The following TMEM107 variants were observed in gnomAD, a reference collection of about 807,000 sequenced individuals.
TMEM107 encodes transmembrane protein 107.
TMEM107 carries 18 observed loss-of-function variants against 16.8 expected under a neutral mutation model. The observed-to-expected ratio is 1.07, with a 90% CI of 0.74 to 1.59. The LOEUF (loss-of-function observed/expected upper bound fraction) is 1.59, where lower values mean the gene tolerates loss of function less well. TMEM107 is among the 40% of genes most tolerant of loss of function. The pLI is 0.00. For synonymous variants in TMEM107, 68 were observed against 71.6 expected (o/e 0.95, Z 0.25); for missense variants, 152 against 175.4 (o/e 0.87, Z 0.75).
Position 8,175,985 on chromosome 17 carries a change from G to A in TMEM107, c.129C>T (p.Pro43=), listed in dbSNP as rs748504501. 6.2e-7 allele frequency: 1 copy of A among 1,614,196 alleles called. No individual in the cohort carries two copies. The highest frequency in any genetic ancestry group is 8.5e-7 in the Non-Finnish European group (1 of 1,180,038). ...IQACLPLTFT[P]EEYDKQDIQL... is the part of the protein sequence containing the mutation. ...GAATGTCCTGCTTGTCATACTCCTC[G>A]GGGGTGAACGTGAGAGGCAGGCAGG... is the stretch of plus-strand genomic sequence containing the variant. Residue 43 remains proline, a synonymous_variant, in exon 2 of 5, where the codon CCC becomes CCT. Transcript: ENST00000437139.
At chr17:8,174,443 G>A in intron 4 of TMEM107, 77 bp downstream of exon 4, 1 of 1,461,144 alleles carries the variant, frequency 6.8e-7, no homozygotes, top group Admixed American at 1.7e-5. Flanking sequence ...ATGGAGGAAA[G>A]GGCTGGGTAG....
Position 8,173,394 on chromosome 17 carries a change from G to C in TMEM107, c.*809C>G, listed in dbSNP as rs150358586. On this transcript the variant is annotated 3_prime_UTR_variant, in exon 5 of 5. Coordinates refer to ENST00000437139, the MANE Select transcript of TMEM107 (RefSeq NM_183065.4). ...AGGTTATCCCAGTCAGAACTTCATAGCTATGTTTGTGGATATCTGCTAATC... is the reference window on the plus strand; with the variant it reads ...AGGTTATCCCAGTCAGAACTTCATACCTATGTTTGTGGATATCTGCTAATC... The C allele has an allele frequency of 8.4e-5, 60 of 712,380 alleles. No homozygotes were observed. In the East Asian group the frequency reaches 1.1e-3, roughly 13 times the overall value. 44.1% of individuals were successfully genotyped at this position (712,380 alleles called of 1,614,324 possible).
chr17:8,176,110 A>G lies in TMEM107; in HGVS notation c.88-84T>C, dbSNP rs1361561821. ...GGGCGGCGGGAAACAAGAAAACCCA[A>G]GAGGGTAAGACACTGGGAGGGGGCA... On this transcript the variant is annotated intron_variant, in intron 1 of 4. Transcript: ENST00000437139. 2.5e-6 allele frequency: 4 copies of G among 1,604,134 alleles called. No individual in the cohort carries two copies. The African/African-American group carries it at 5.4e-5, about 21-fold the overall frequency.
At position 8,173,811 on chromosome 17, in the gene TMEM107, C is replaced by T. The variant is rs1983900591; in HGVS notation, c.*392G>A. ...TCCGATCAGTTACGTGCCGGACGTT[C>T]TAACTGTACGCACTTTCTATTTACA... is the stretch of plus-strand genomic sequence containing the variant. On this transcript the variant is annotated 3_prime_UTR_variant, in exon 5 of 5. Coordinates refer to ENST00000437139, the MANE Select transcript of TMEM107 (RefSeq NM_183065.4). 1.9e-6 allele frequency: 1 copy of T among 513,334 alleles called. No individual in the cohort carries two copies. Among genetic ancestry groups the T allele is most frequent in the African/African-American group, 1.9e-5 (1 of 51,684 alleles). The allele number at this position is 513,334 out of a possible 1,614,324, so 31.8% of individuals were successfully genotyped here.
chr17:8,173,548 C>G lies in TMEM107; in HGVS notation c.*655G>C, dbSNP rs182078929. 1.2e-5 allele frequency: 9 copies of G among 765,368 alleles called. No homozygotes were observed. The highest frequency in any genetic ancestry group is 5.4e-5 in the South Asian group (4 of 74,618). 47.4% of individuals were successfully genotyped at this position (765,368 alleles called of 1,614,324 possible). ...TCCAATCATCATGTTCTAATCTGCC[C>G]TCCGGAGGAGGAACAGGTAAGGATT... On this transcript the variant is annotated 3_prime_UTR_variant, in exon 5 of 5. Coordinates refer to ENST00000437139, the MANE Select transcript of TMEM107 (RefSeq NM_183065.4).
At position 8,173,511 on chromosome 17, in the gene TMEM107, G is replaced by T. The variant is rs367845024; in HGVS notation, c.*692C>A. On this transcript the variant is annotated 3_prime_UTR_variant, in exon 5 of 5. Coordinates refer to ENST00000437139, the MANE Select transcript of TMEM107 (RefSeq NM_183065.4). Reference sequence around the variant, plus strand: ...CTGATTACGCAGAGACGTTAATCACGTTTCATGCATCTCCAATCATCATGT... The same window carrying T: ...CTGATTACGCAGAGACGTTAATCACTTTTCATGCATCTCCAATCATCATGT... 1 of 765,308 alleles carries T rather than the reference G, an allele frequency of 1.3e-6. No individual in the cohort carries two copies. The allele number at this position is 765,308 out of a possible 1,614,324, so 47.4% of individuals were successfully genotyped here. A position where few individuals can be genotyped will look rare whatever the true frequency, so the allele number is the denominator to read the frequency against.
rs1567549683 is a variant in TMEM107, at chr17:8,173,436, AAG to A, written c.*765_*766del. The A allele has an allele frequency of 1.3e-6, 1 of 760,396 alleles. No individual in the cohort carries two copies. Among genetic ancestry groups the A allele is most frequent in the Non-Finnish European group, 2.4e-6 (1 of 415,622 alleles). The allele number at this position is 760,396 out of a possible 1,614,324, so 47.1% of individuals were successfully genotyped here. On this transcript the variant is annotated 3_prime_UTR_variant, in exon 5 of 5. Coordinates refer to ENST00000437139, the MANE Select transcript of TMEM107 (RefSeq NM_183065.4). Reference sequence around the variant, plus strand: ...CTGCTAATCAGCATAACACAAATGTAAGTGATCGTCAGAAAGAATCAGACAGG... The same window carrying A: ...CTGCTAATCAGCATAACACAAATGTATGATCGTCAGAAAGAATCAGACAGG...
At position 8,173,137 on chromosome 17, in the gene TMEM107, G is replaced by A. The variant is rs1016361343; in HGVS notation, c.*1066C>T. The A allele has an allele frequency of 4.9e-5, 13 of 266,698 alleles. No individual in the cohort carries two copies. The highest frequency in any genetic ancestry group is 8.0e-5 in the Non-Finnish European group (11 of 136,780). 16.5% of individuals were successfully genotyped at this position (266,698 alleles called of 1,614,324 possible). On this transcript the variant is annotated 3_prime_UTR_variant, in exon 5 of 5. Coordinates refer to ENST00000437139, the MANE Select transcript of TMEM107 (RefSeq NM_183065.4). Reference sequence around the variant, plus strand: ...GTTCCTATTGAATACCATCCTGAGGGCAACCACCATGTGCACAAGACTGCA... The same window carrying A: ...GTTCCTATTGAATACCATCCTGAGGACAACCACCATGTGCACAAGACTGCA...
Position 8,173,364 on chromosome 17 carries a change from C to CAGCAAGGTTATCCCAGTCAGAACTTCAT in TMEM107, c.*811_*838dup. On this transcript the variant is annotated 3_prime_UTR_variant, in exon 5 of 5. Coordinates refer to ENST00000437139, the MANE Select transcript of TMEM107 (RefSeq NM_183065.4). ...ATAGCAAGACTGCAAAATAGACAAA[C>CAGCAAGGTTATCCCAGTCAGAACTTCAT]AGCAAGGTTATCCCAGTCAGAACTT... 1.6e-6 allele frequency: 1 copy of CAGCAAGGTTATCCCAGTCAGAACTTCAT among 635,278 alleles called. No individual in the cohort carries two copies. The highest frequency in any genetic ancestry group is 2.9e-6 in the Non-Finnish European group (1 of 345,234). The allele number at this position is 635,278 out of a possible 1,614,324, so 39.4% of individuals were successfully genotyped here.
Position 8,174,562 on chromosome 17 carries a change from C to T in TMEM107, c.311G>A (p.Arg104His), listed in dbSNP as rs1368021784. The stretch of plus-strand genomic sequence containing the variant: ...GTACCAATACGTAGTGCACTCCCAA[C>T]GCTCGAATATGAAGAAGGACAGGGC... ...SVALSFFIFE[R>H]WECTTYWYIF... is the part of the protein sequence containing the mutation. Residue 104 changes from arginine (R) to histidine (H), a missense_variant, in exon 4 of 5, where the codon CGT (arginine) becomes CAT (histidine). Arg to His is a conservative substitution (Grantham distance 29). Coordinates refer to ENST00000437139, the MANE Select transcript of TMEM107 (RefSeq NM_183065.4). The T allele has an allele frequency of 1.2e-6, 2 of 1,614,132 alleles. No homozygotes were observed. Among genetic ancestry groups the T allele is most frequent in the Non-Finnish European group, 1.7e-6 (2 of 1,180,032 alleles).
rs1567552293 is a variant in TMEM107, at chr17:8,173,935, G to A, written c.*268C>T. 1 of 422,810 alleles carries A rather than the reference G, an allele frequency of 2.4e-6. No individual in the cohort carries two copies. The highest frequency in any genetic ancestry group is 2.1e-5 in the African/African-American group (1 of 48,110). The allele number at this position is 422,810 out of a possible 1,614,324, so 26.2% of individuals were successfully genotyped here. On this transcript the variant is annotated 3_prime_UTR_variant, in exon 5 of 5. Coordinates refer to ENST00000437139, the MANE Select transcript of TMEM107 (RefSeq NM_183065.4). ...GTCTGCAGGACTAGAAAACAGCGTT[G>A]TTTTTTTTTTATTCAGTAGTTCAGC...
chr17:8,173,729 T>A lies in TMEM107; in HGVS notation c.*474A>T, dbSNP rs11657574. ...TGCCATATTAGCTCGCACATTTTTT[T>A]AAATTTTTTTTTCATTCGGCTGCCG... On this transcript the variant is annotated 3_prime_UTR_variant, in exon 5 of 5. Transcript: ENST00000437139. The A allele has an allele frequency of 0.022, 12,331 of 561,102 alleles. 225 individuals are homozygous for A. Among genetic ancestry groups the A allele is most frequent in the Non-Finnish European group, 0.029 (9,039 of 315,450 alleles). The allele number at this position is 561,102 out of a possible 1,614,324, so 34.8% of individuals were successfully genotyped here.
rs1022186123 is a variant in TMEM107, at chr17:8,172,609, TA to T, written c.*1593del. Among the ~76,000 whole-genome samples the T allele has an allele frequency of 6.6e-6, 1 of 151,860 alleles. No individual in the cohort carries two copies. The highest frequency in any genetic ancestry group is 2.4e-5 in the African/African-American group (1 of 41,360). On this transcript the variant is annotated 3_prime_UTR_variant, in exon 5 of 5. Coordinates refer to ENST00000437139, the MANE Select transcript of TMEM107 (RefSeq NM_183065.4). ...CTGTATCCTAGCACTTTAGGAGGCC[TA>T]GAGGCCTAGTGGGGAGGACGGCTTG...
rs773142147 is a variant in TMEM107 at position 8,176,212 on chromosome 17, T to C, written c.75A>G (p.Leu25=). The change falls in exon 1 of 5, where the codon TTA becomes TTG. Residue 25 remains leucine (L), a synonymous_variant. Transcript: ENST00000437139. ...LLAHLVVVIT[L]FWSRDSNIQA... is the part of the protein sequence containing the mutation. ...CCGTGGGTCTTACCCGGGACCAGAA[T>C]AAGGTGATGACGACCACCAGATGCG... 7.4e-6 allele frequency: 12 copies of C among 1,613,552 alleles called. No homozygotes were observed. Among genetic ancestry groups the C allele is most frequent in the Non-Finnish European group, 1.0e-5 (12 of 1,179,904 alleles).
Position 8,173,570 on chromosome 17 carries a change from G to A in TMEM107, c.*633C>T, listed in dbSNP as rs374791151. The A allele has an allele frequency of 1.9e-4, 145 of 764,862 alleles. No homozygotes were observed. The highest frequency in any genetic ancestry group is 6.8e-4 in the Admixed American group (40 of 58,932). 47.4% of individuals were successfully genotyped at this position (764,862 alleles called of 1,614,324 possible). A position where few individuals can be genotyped will look rare whatever the true frequency, so the allele number is the denominator to read the frequency against. The stretch of plus-strand genomic sequence containing the variant: ...GCCCTCCGGAGGAGGAACAGGTAAG[G>A]ATTATCCCACCTGACGATACAGACA... On this transcript the variant is annotated 3_prime_UTR_variant, in exon 5 of 5. Coordinates refer to ENST00000437139, the MANE Select transcript of TMEM107 (RefSeq NM_183065.4).
intron 4 of TMEM107, 98 bp from the exon 5 acceptor site, chr17:8,174,370 T>TG (rs1598275303): frequency 2.2e-6 from 3 of 1,336,282 alleles, no homozygotes; most frequent in Non-Finnish European, 1.1e-6. Flanking sequence ...GCAGGTGGCA[T>TG]GGGGGGTAGG....
In TMEM107 at chr17:8,172,796, A is replaced by C. The variant is rs1485919903; in HGVS notation, c.*1407T>G. On this transcript the variant is annotated 3_prime_UTR_variant, in exon 5 of 5. Transcript: ENST00000437139. Reference sequence around the variant, plus strand: ...AGCCTGGGAGTTTGAGGCTGCAGTGAGCCATGATCCCACCACTGCACACTG... The same window carrying C: ...AGCCTGGGAGTTTGAGGCTGCAGTGCGCCATGATCCCACCACTGCACACTG... Among the ~76,000 whole-genome samples, 1 of 141,218 alleles carries C rather than the reference A, an allele frequency of 7.1e-6. No homozygotes were observed. The highest frequency in any genetic ancestry group is 2.7e-5 in the African/African-American group (1 of 37,428). The allele number at this position is 141,218 out of a possible 152,430, so 92.6% of individuals were successfully genotyped here. A position where few individuals can be genotyped will look rare whatever the true frequency, so the allele number is the denominator to read the frequency against.
In TMEM107 at chr17:8,173,276, A is replaced by G. The variant is rs1320864790; in HGVS notation, c.*927T>C. The G allele has an allele frequency of 1.9e-6, 1 of 530,824 alleles. No homozygotes were observed. Among genetic ancestry groups the G allele is most frequent in the East Asian group, 2.9e-5 (1 of 34,420 alleles). 32.9% of individuals were successfully genotyped at this position (530,824 alleles called of 1,614,324 possible). ...CTGCCTAAATTCCAGAAAGCAACAA[A>G]AACCAAATCACAATTTTCAAGAACA... On this transcript the variant is annotated 3_prime_UTR_variant, in exon 5 of 5. Coordinates refer to ENST00000437139, the MANE Select transcript of TMEM107 (RefSeq NM_183065.4).
chr17:8,173,178 G>A lies in TMEM107; in HGVS notation c.*1025C>T, dbSNP rs1325786561. 11 of 364,324 alleles carry A rather than the reference G, an allele frequency of 3.0e-5. No homozygotes were observed. The highest frequency in any genetic ancestry group is 4.1e-5 in the Non-Finnish European group (8 of 194,286). The allele number at this position is 364,324 out of a possible 1,614,324, so 22.6% of individuals were successfully genotyped here. A position where few individuals can be genotyped will look rare whatever the true frequency, so the allele number is the denominator to read the frequency against. On this transcript the variant is annotated 3_prime_UTR_variant, in exon 5 of 5. Transcript: ENST00000437139. ...CAAGACTGCAGATATTTACTGATGT[G>A]CAATGTTTCCTGAGAAGTGAGGATT... is the stretch of plus-strand genomic sequence containing the variant.
Sources: gnomAD v4.1 joint callset for allele counts (sites outside exome capture counted in the v4.1 genomes callset) on GRCh38, gnomAD v4.1.1 for gene constraint, MANE v1.5 for transcripts, NCBI Gene and HGNC (gene_info 2026-07-23, HGNC 2026-07-21) for gene names.